The following GREB1L variants were observed in gnomAD, a reference collection of about 807,000 sequenced individuals.
GREB1L encodes GREB1-like protein.
In GREB1L, 17 loss-of-function variants were observed where a neutral mutation model predicts 200.8. That is an observed-to-expected ratio of 0.08 (90% confidence interval 0.06 to 0.13). GREB1L has a LOEUF of 0.13. Ranked by LOEUF, GREB1L falls within the 10% of genes least tolerant of loss-of-function variation. The probability of loss-of-function intolerance (pLI) is 1.00; values close to 1 mark genes in which losing one functional copy is unlikely to be tolerated. For missense variants in GREB1L, 1,657 were observed against 2,367.7 expected (o/e 0.70, Z 6.23); for synonymous variants, 789 against 893.0 (o/e 0.88, Z 2.08).
rs1033058091 is a variant in GREB1L at position 21,524,341 on chromosome 18, T to C, written c.*1520T>C. 6.6e-5 allele frequency: 10 copies of C among 152,224 alleles called. No homozygotes were observed. Among genetic ancestry groups the C allele is most frequent in the African/African-American group, 2.2e-4 (9 of 41,468 alleles). The allele number at this position is 152,224 out of a possible 1,614,324, so 9.4% of individuals were successfully genotyped here. On this transcript the variant is annotated 3_prime_UTR_variant, in exon 33 of 33. Coordinates refer to ENST00000424526, the MANE Select transcript of GREB1L (RefSeq NM_001142966.3). ...GTTTGCAGATCTCTTGGTTTTAATA[T>C]AGCTACTTATAATGCTTTAACTGTA...
intron 14 of GREB1L, 108 bp downstream of exon 14, chr18:21,452,325 A>G (rs1270846285): frequency 1.8e-6 from 2 of 1,084,376 alleles, no homozygotes; most frequent in Non-Finnish European, 2.6e-6. Context: ...AGACCACAAC[A>G]GCCTTTTCCT....
Position 21,499,956 on chromosome 18 carries a change from G to A in GREB1L, c.3619G>A (p.Gly1207Arg), listed in dbSNP as rs1281270241. 2 of 1,551,054 alleles carry A rather than the reference G, an allele frequency of 1.3e-6. No homozygotes were observed. Among genetic ancestry groups the A allele is most frequent in the Non-Finnish European group, 1.7e-6 (2 of 1,146,820 alleles). Residue 1207 changes from glycine to arginine, a missense_variant, in exon 22 of 33, where the codon GGA becomes AGA. Coordinates refer to ENST00000424526, the MANE Select transcript of GREB1L (RefSeq NM_001142966.3). ...TTSKPSSSSSGPRTLPWPGQP... is the reference protein window; with the variant it reads ...TTSKPSSSSSRPRTLPWPGQP... ...CTCCAAGCCGTCATCATCATCCTCA[G>A]GACCCAGGACCCTCCCATGGCCGGG...
chr18:21,357,050 G>GTTATTTAT (rs911696904), intron 1 of GREB1L, among the ~76,000 whole-genome samples: 1 of 151,950 alleles, frequency 6.6e-6, no homozygotes, highest in Admixed American at 6.6e-5. Context: ...AATCACTTGA[G>GTTATTTAT]TTATTTATTT....
Position 21,242,280 on chromosome 18 carries a change from C to G in GREB1L, c.-233C>G, listed in dbSNP as rs1003021106. ...CGCTAGCACCTCGGAGTCGGGCGGC[C>G]GGAGCAGCGGAGCGCAGCGCGGCGC... On this transcript the variant is annotated 5_prime_UTR_variant, in exon 1 of 33. Coordinates refer to ENST00000424526, the MANE Select transcript of GREB1L (RefSeq NM_001142966.3). The G allele has an allele frequency of 6.6e-5, 10 of 152,062 alleles. No homozygotes were observed. The highest frequency in any genetic ancestry group is 1.9e-4 in the African/African-American group (8 of 41,406). 9.4% of individuals were successfully genotyped at this position (152,062 alleles called of 1,614,324 possible).
Position 21,482,065 on chromosome 18 carries a change from A to G in GREB1L, c.2557-3555A>G, listed in dbSNP as rs560037741. Among the ~76,000 whole-genome samples, 8 of 152,340 alleles carry G rather than the reference A, an allele frequency of 5.3e-5. No homozygotes were observed. In the South Asian group the frequency reaches 1.7e-3, roughly 32 times the overall value. ...GCTAAGTCAAAGTGATTAGAAGTAGATCAGTCAGTGGCTTTTCTGATAATT... is the reference window on the plus strand; with the variant it reads ...GCTAAGTCAAAGTGATTAGAAGTAGGTCAGTCAGTGGCTTTTCTGATAATT... On this transcript the variant is annotated intron_variant, in intron 17 of 32. Transcript: ENST00000424526.
At chr18:21,489,512 T>C (rs1402255550) in intron 18 of GREB1L, among the ~76,000 whole-genome samples, 2 of 152,210 alleles carry the variant, frequency 1.3e-5, no homozygotes, top group Non-Finnish European at 2.9e-5. Flanking sequence ...GAGAAATAAG[T>C]GGACAGTGCT....
chr18:21,393,787 C>T (rs576937313), intron 4 of GREB1L, among the ~76,000 whole-genome samples: 3 of 151,994 alleles, frequency 2.0e-5, no homozygotes, highest in Admixed American at 2.0e-4. Flanking sequence ...GGACTTGAAC[C>T]GCAACCTTAA....
At chr18:21,345,584 A>G (rs1288180946) in intron 1 of GREB1L, among the ~76,000 whole-genome samples, 3 of 152,124 alleles carry the variant, frequency 2.0e-5, no homozygotes, top group Non-Finnish European at 4.4e-5. Context: ...CCATAATAGT[A>G]CTTACAGGCC....
intron 15 of GREB1L, among the ~76,000 whole-genome samples, chr18:21,470,691 T>G (rs1263619193): frequency 1.3e-5 from 2 of 152,184 alleles, no homozygotes; most frequent in Non-Finnish European, 2.9e-5. Context: ...TTTGTAGTTA[T>G]AAGCCAAATA....
At chr18:21,288,903 A>G (rs1460110470) in intron 1 of GREB1L, among the ~76,000 whole-genome samples, 1 of 151,890 alleles carries the variant, frequency 6.6e-6, no homozygotes, top group Non-Finnish European at 1.5e-5. Context: ...ACGCCCAGCT[A>G]ATTTTTGTAT....
At chr18:21,316,826 T>A (rs928092296) in intron 1 of GREB1L, 6 of 148,468 alleles carry the variant, frequency 4.0e-5, no homozygotes, top group African/African-American at 1.5e-4. Flanking sequence ...TGTGGCATGA[T>A]CTTGGCTCAC....
intron 2 of GREB1L, among the ~76,000 whole-genome samples, chr18:21,377,495 G>A (rs1311233273): frequency 6.6e-6 from 1 of 152,124 alleles, no homozygotes; most frequent in Admixed American, 6.6e-5. Flanking sequence ...TAGCAGAGAG[G>A]TCGGGTACAG....
intron 1 of GREB1L, among the ~76,000 whole-genome samples, chr18:21,345,325 G>GA (rs2039329054): frequency 6.6e-6 from 1 of 152,136 alleles, no homozygotes; most frequent in Admixed American, 6.5e-5. Flanking sequence ...CAGTTTGCCT[G>GA]AAAAAAGAAC....
chr18:21,515,703 C>A, intron 29 of GREB1L, 59 bp downstream of exon 29: 2 of 1,203,054 alleles, frequency 1.7e-6, no homozygotes, highest in Non-Finnish European at 2.4e-6. Context: ...TTCTGCCCAG[C>A]TCTAGCCTCT....
At chr18:21,432,709 T>C (rs1360354336) in intron 7 of GREB1L, among the ~76,000 whole-genome samples, 48 of 139,008 alleles carry the variant, frequency 3.5e-4, no homozygotes, top group South Asian at 2.4e-4. Flanking sequence ...TTTTTTCTTT[T>C]TTTTTTTTTT....
At chr18:21,298,861 G>T (rs1359095329) in intron 1 of GREB1L, among the ~76,000 whole-genome samples, 3 of 152,056 alleles carry the variant, frequency 2.0e-5, no homozygotes, top group African/African-American at 7.2e-5. Flanking sequence ...TGGAGTCTGG[G>T]AGGTTGAGGC....
intron 1 of GREB1L, among the ~76,000 whole-genome samples, chr18:21,320,530 G>A (rs1347593664): frequency 6.6e-6 from 1 of 152,064 alleles, no homozygotes; most frequent in Non-Finnish European, 1.5e-5. Context: ...TTGGGAGGCC[G>A]AGATGGGTGG....
chr18:21,318,504 A>C (rs2038906344), intron 1 of GREB1L, among the ~76,000 whole-genome samples: 1 of 152,188 alleles, frequency 6.6e-6, no homozygotes, highest in Non-Finnish European at 1.5e-5. Context: ...TCTTCACAAC[A>C]GGGCCCACAT....
At chr18:21,337,283 T>C (rs34615781) in intron 1 of GREB1L, among the ~76,000 whole-genome samples, 7,608 of 152,310 alleles carry the variant, frequency 0.05, 240 homozygotes, top group Non-Finnish European at 0.073. Context: ...GGGATTCTTT[T>C]GCTGTTTGTT....
Sources: gnomAD v4.1 joint callset for allele counts (sites outside exome capture counted in the v4.1 genomes callset) on GRCh38, gnomAD v4.1.1 for gene constraint, MANE v1.5 for transcripts, NCBI Gene and HGNC (gene_info 2026-07-23, HGNC 2026-07-21) for gene names.